Variants in HCK observed in about 807,000 individuals in gnomAD.
HCK encodes HCK proto-oncogene, Src family tyrosine kinase.
In HCK, 40 loss-of-function variants were observed where a neutral mutation model predicts 70.4. The observed-to-expected ratio is 0.57, with a 90% CI of 0.44 to 0.74. The LOEUF (loss-of-function observed/expected upper bound fraction) is 0.74, where lower values mean the gene tolerates loss of function less well. Among genes scored for constraint, HCK ranks in the 30% least tolerant of loss-of-function variants. HCK has a pLI of 0.00. For synonymous variants in HCK, 245 were observed against 263.2 expected (o/e 0.93, Z 0.67); for missense variants, 568 against 697.2 (o/e 0.81, Z 2.09).
At chr20:32,094,907 A>T (rs1247866843) in intron 11 of HCK, among the ~76,000 whole-genome samples, 1 of 152,198 alleles carries the variant, frequency 6.6e-6, no homozygotes. Context: ...TAACTCTCAC[A>T]GGTATAATAT....
At chr20:32,070,405 A>G (rs568781691) in intron 1 of HCK, among the ~76,000 whole-genome samples, 15 of 152,144 alleles carry the variant, frequency 9.9e-5, no homozygotes, top group Non-Finnish European at 2.1e-4. Flanking sequence ...TTCCCTGCCC[A>G]TGAGCTTCAG....
At chr20:32,068,738 G>A (rs2045495450) in intron 1 of HCK, among the ~76,000 whole-genome samples, 2 of 152,096 alleles carry the variant, frequency 1.3e-5, no homozygotes, top group Non-Finnish European at 2.9e-5. Flanking sequence ...GAGCAACATT[G>A]TGAGACCTGC....
rs1050232144 is a variant in HCK, at chr20:32,101,707, A to G, written c.*188A>G. 3 of 492,868 alleles carry G rather than the reference A, an allele frequency of 6.1e-6. No homozygotes were observed. The highest frequency in any genetic ancestry group is 3.9e-5 in the African/African-American group (2 of 51,638). 30.5% of individuals were successfully genotyped at this position (492,868 alleles called of 1,614,324 possible). On this transcript the variant is annotated 3_prime_UTR_variant, in exon 13 of 13. Coordinates refer to ENST00000375852, the MANE Select transcript of HCK (RefSeq NM_002110.5). ...CTCTTTTTGACTCTTGCAATCCACA[A>G]TCTGACATTCTCAGGAAGCCCCCAA...
At chr20:32,073,682 C>T (rs775829045) in intron 3 of HCK, 34 bp from the exon 4 acceptor site, 29 of 1,464,390 alleles carry the variant, frequency 2.0e-5, no homozygotes, top group African/African-American at 8.4e-5. Context: ...TGCACTTAGA[C>T]GAAACCTCAC....
At chr20:32,076,669 G>A (rs530099357) in intron 5 of HCK, among the ~76,000 whole-genome samples, 36 of 152,288 alleles carry the variant, frequency 2.4e-4, no homozygotes, top group East Asian at 1.3e-3. Flanking sequence ...CTGGATTGCC[G>A]GCTAACAAGT....
Position 32,094,024 on chromosome 20 carries a change from A to G in HCK, c.1246+8A>G. 2 of 1,610,310 alleles carry G rather than the reference A, an allele frequency of 1.2e-6. No individual in the cohort carries two copies. The highest frequency in any genetic ancestry group is 1.1e-5 in the South Asian group (1 of 90,906). ...AGTACACGGCTCGGGAAGGTAGGGA[A>G]CGCTGCCAAGCAGCCCCACGTTGCC... On this transcript the variant is annotated splice_region_variant and intron_variant, in intron 11 of 12. Coordinates refer to ENST00000375852, the MANE Select transcript of HCK (RefSeq NM_002110.5).
rs367936044 is a variant in HCK at position 32,084,571 on chromosome 20, G to A, written c.835+28G>A. The A allele has an allele frequency of 2.4e-5, 39 of 1,596,740 alleles. No individual in the cohort carries two copies. In the African/African-American group the frequency reaches 4.3e-4, roughly 18 times the overall value. Reference sequence around the variant, plus strand: ...AAGGACCCAGGGCCACAGCCCACAGGGCCAGAGGGTGGAGGGGAGAGGGAG... The same window carrying A: ...AAGGACCCAGGGCCACAGCCCACAGAGCCAGAGGGTGGAGGGGAGAGGGAG... On this transcript the variant is annotated intron_variant, in intron 8 of 12. Coordinates refer to ENST00000375852, the MANE Select transcript of HCK (RefSeq NM_002110.5).
chr20:32,062,851 C>T (rs2045400413), intron 1 of HCK, among the ~76,000 whole-genome samples: 1 of 152,208 alleles, frequency 6.6e-6, no homozygotes, highest in African/African-American at 2.4e-5. Flanking sequence ...CAAGGCACTG[C>T]TCAGGGAATT....
chr20:32,088,388 C>G (rs746909915), intron 9 of HCK, among the ~76,000 whole-genome samples, 180 bp from the exon 10 acceptor site: 2 of 152,202 alleles, frequency 1.3e-5, no homozygotes, highest in Admixed American at 6.5e-5. Context: ...AAAGTCACTT[C>G]ACTAAAACTC....
At chr20:32,086,321 T>A (rs1224107288) in intron 8 of HCK, among the ~76,000 whole-genome samples, 2 of 152,216 alleles carry the variant, frequency 1.3e-5, no homozygotes, top group Non-Finnish European at 2.9e-5. Flanking sequence ...GAGCTATTTT[T>A]AAATCCTTGC....
intron 11 of HCK, among the ~76,000 whole-genome samples, chr20:32,098,013 A>G (rs2045979942): frequency 6.6e-6 from 1 of 150,972 alleles, no homozygotes; most frequent in African/African-American, 2.5e-5. Context: ...CACTGTCTCT[A>G]CAAATTTTTC....
chr20:32,073,697 T>C lies in HCK; in HGVS notation c.227-19T>C, dbSNP rs2045577665. On this transcript the variant is annotated intron_variant, in intron 3 of 12. Transcript: ENST00000375852. The stretch of plus-strand genomic sequence containing the variant: ...TGCACTTAGACGAAACCTCACCCTC[T>C]GTGTGTCTCCCTTCCCAGCAGGCTC... 2.6e-6 allele frequency: 4 copies of C among 1,530,228 alleles called. No individual in the cohort carries two copies. The South Asian group carries it at 3.6e-5, about 14-fold the overall frequency. The allele number at this position is 1,530,228 out of a possible 1,614,324, so 94.8% of individuals were successfully genotyped here.
intron 8 of HCK, among the ~76,000 whole-genome samples, chr20:32,085,603 C>A (rs1192127183): frequency 2.6e-5 from 4 of 152,042 alleles, no homozygotes; most frequent in Non-Finnish European, 5.9e-5. Flanking sequence ...ATTTGAAAGC[C>A]AAAAATATCA....
chr20:32,062,082 G>A (rs1006021082), intron 1 of HCK, among the ~76,000 whole-genome samples: 1 of 151,868 alleles, frequency 6.6e-6, no homozygotes, highest in Admixed American at 6.6e-5. Flanking sequence ...TGGGATTACA[G>A]GCATGCGCCA....
At chr20:32,096,551 T>C (rs1183474433) in intron 11 of HCK, among the ~76,000 whole-genome samples, 8 of 150,706 alleles carry the variant, frequency 5.3e-5, no homozygotes, top group African/African-American at 2.0e-4. Flanking sequence ...GCCCAGGCTG[T>C]AGTGGAGGGG....
intron 10 of HCK, among the ~76,000 whole-genome samples, chr20:32,092,524 G>A (rs928106379): frequency 6.6e-6 from 1 of 152,136 alleles, no homozygotes; most frequent in Non-Finnish European, 1.5e-5. Context: ...AATCCTCCAC[G>A]CAGTCTGTTA....
intron 1 of HCK, among the ~76,000 whole-genome samples, chr20:32,063,421 T>G (rs968198070): frequency 1.3e-5 from 2 of 151,962 alleles, no homozygotes; most frequent in Admixed American, 1.3e-4. Flanking sequence ...CCTGGCTAAT[T>G]TTTTTGGGTA....
At chr20:32,072,058 C>T (rs1177870193) in intron 2 of HCK, 2 of 444,684 alleles carry the variant, frequency 4.5e-6, no homozygotes, top group Admixed American at 4.0e-5. Flanking sequence ...GGCCTCCGGC[C>T]TGGGCAGAAG....
intron 1 of HCK, among the ~76,000 whole-genome samples, chr20:32,061,584 G>C (rs937421823): frequency 6.6e-6 from 1 of 152,218 alleles, no homozygotes. Context: ...GATGGGAGTT[G>C]GGGGGCAGAG....
Sources: allele counts gnomAD v4.1 joint callset (sites outside exome capture counted in the v4.1 genomes callset), GRCh38; gene constraint gnomAD v4.1.1; transcripts MANE v1.5; gene names NCBI Gene and HGNC (gene_info 2026-07-23, HGNC 2026-07-21).